Variants in GNAL observed in about 807,000 individuals in gnomAD.
GNAL encodes guanine nucleotide-binding protein G(olf) subunit alpha.
In GNAL, 18 loss-of-function variants were observed where a neutral mutation model predicts 55.1. That is an observed-to-expected ratio of 0.33 (90% confidence interval 0.23 to 0.48). GNAL has a LOEUF of 0.48. GNAL is among the 20% of genes least tolerant of loss of function. The probability of loss-of-function intolerance (pLI) is 0.99; values close to 1 mark genes in which losing one functional copy is unlikely to be tolerated. For synonymous variants in GNAL, 253 were observed against 237.0 expected, an observed-to-expected ratio of 1.07 and a Z score of -0.62; for missense variants, 412 against 614.1, an observed-to-expected ratio of 0.67 and a Z score of 3.48.
chr18:11,704,779 CA>C (rs2031663896), intron 1 of GNAL, among the ~76,000 whole-genome samples: 1 of 77,712 alleles, frequency 1.3e-5, no homozygotes, highest in African/African-American at 5.8e-5. Flanking sequence ...AGTCCATTAT[CA>C]ATTTTTTTTT....
intron 5 of GNAL, among the ~76,000 whole-genome samples, chr18:11,861,938 G>A (rs1044866803): frequency 1.1e-4 from 16 of 144,934 alleles, no homozygotes; most frequent in South Asian, 2.2e-4. Flanking sequence ...ACACTCAGTC[G>A]CTCTTACACA....
At chr18:11,757,511 A>C (rs1279252720) in intron 4 of GNAL, among the ~76,000 whole-genome samples, 2 of 152,216 alleles carry the variant, frequency 1.3e-5, no homozygotes, top group African/African-American at 4.8e-5. Flanking sequence ...GGAGGGGATC[A>C]TGGGGGTGGA....
intron 8 of GNAL, among the ~76,000 whole-genome samples, chr18:11,867,561 TC>T (rs1487369031): frequency 7.2e-5 from 11 of 152,100 alleles, no homozygotes; most frequent in African/African-American, 2.7e-4. Flanking sequence ...ATACCTGTAA[TC>T]CCAGCACTTT....
intron 4 of GNAL, among the ~76,000 whole-genome samples, chr18:11,786,450 T>TC (rs1216922239): frequency 4.2e-5 from 5 of 118,596 alleles, no homozygotes; most frequent in Non-Finnish European, 8.9e-5. Context: ...TTTTTTTTTT[T>TC]TTTTTTTTTT....
intron 5 of GNAL, among the ~76,000 whole-genome samples, chr18:11,844,542 A>T (rs1368817467): frequency 6.6e-6 from 1 of 152,218 alleles, no homozygotes; most frequent in Non-Finnish European, 1.5e-5. Flanking sequence ...ACTTAATCTA[A>T]TTGAGACATG....
At chr18:11,874,279 G>GAC (rs2036471779) in intron 10 of GNAL, 1 of 152,102 alleles carries the variant, frequency 6.6e-6, no homozygotes, top group Non-Finnish European at 1.5e-5. Context: ...GGAAGCCTGG[G>GAC]ACCACCATCA....
At chr18:11,769,561 A>G (rs1170214833) in intron 4 of GNAL, among the ~76,000 whole-genome samples, 2 of 152,212 alleles carry the variant, frequency 1.3e-5, no homozygotes, top group African/African-American at 4.8e-5. Flanking sequence ...GAAGAGCATC[A>G]TCTTTTAGCT....
intron 4 of GNAL, among the ~76,000 whole-genome samples, chr18:11,772,922 C>T (rs1013382258): frequency 3.9e-5 from 6 of 152,186 alleles, no homozygotes; most frequent in African/African-American, 7.2e-5. Context: ...CCCTGTCCTG[C>T]GAAGACAGCA....
At chr18:11,878,629 G>T (rs561779341) in intron 11 of GNAL, among the ~76,000 whole-genome samples, 2 of 152,060 alleles carry the variant, frequency 1.3e-5, no homozygotes, top group South Asian at 4.2e-4. Context: ...GAGTGCAGTG[G>T]CAAGATCGTA....
intron 4 of GNAL, among the ~76,000 whole-genome samples, chr18:11,766,089 C>A (rs1399435612): frequency 6.6e-6 from 1 of 152,198 alleles, no homozygotes; most frequent in East Asian, 1.9e-4. Context: ...GGAGGCTATT[C>A]TTATGCCAAA....
intron 4 of GNAL, among the ~76,000 whole-genome samples, chr18:11,817,738 G>GCACCCA (rs2034994720): frequency 6.6e-6 from 1 of 150,434 alleles, no homozygotes; most frequent in African/African-American, 2.5e-5. Context: ...GCAGGTGCGT[G>GCACCCA]CCACAACACC....
At chr18:11,822,030 G>C (rs1242918324) in intron 4 of GNAL, among the ~76,000 whole-genome samples, 1 of 152,248 alleles carries the variant, frequency 6.6e-6, no homozygotes, top group Non-Finnish European at 1.5e-5. Flanking sequence ...AGGAGCCTCA[G>C]TTTCTCCTCC....
At chr18:11,749,477 T>C (rs1226530778) in intron 1 of GNAL, among the ~76,000 whole-genome samples, 1 of 152,266 alleles carries the variant, frequency 6.6e-6, no homozygotes, top group African/African-American at 2.4e-5. Context: ...CACTTTGAGC[T>C]GGAGTTATCT....
At chr18:11,821,103 A>G (rs533511249) in intron 4 of GNAL, among the ~76,000 whole-genome samples, 4 of 152,330 alleles carry the variant, frequency 2.6e-5, no homozygotes, top group East Asian at 1.9e-4. Flanking sequence ...CATCTTTGCA[A>G]TGTATTTGTG....
At chr18:11,769,052 A>AT (rs2033537817) in intron 4 of GNAL, among the ~76,000 whole-genome samples, 2 of 104,232 alleles carry the variant, frequency 1.9e-5, no homozygotes, top group Non-Finnish European at 3.4e-5. Flanking sequence ...TATAATATAT[A>AT]TAATATATAT....
At chr18:11,813,104 A>G (rs1244050321) in intron 4 of GNAL, among the ~76,000 whole-genome samples, 1 of 151,636 alleles carries the variant, frequency 6.6e-6, no homozygotes, top group East Asian at 2.0e-4. Context: ...CGATACAACA[A>G]ATTAGTCGAG....
chr18:11,877,325 T>G lies in GNAL; in HGVS notation c.1230+637T>G, dbSNP rs528029858. Among the ~76,000 whole-genome samples, 8 of 152,100 alleles carry G rather than the reference T, an allele frequency of 5.3e-5. No individual in the cohort carries two copies. In the South Asian group the frequency reaches 6.2e-4, roughly 12 times the overall value. ...AAAAAATTAGCTGGGTGTGGTGGCATGCGCCTGTAATCCCAGCTACTCTGG... is the reference window on the plus strand; with the variant it reads ...AAAAAATTAGCTGGGTGTGGTGGCAGGCGCCTGTAATCCCAGCTACTCTGG... On this transcript the variant is annotated intron_variant, in intron 11 of 11. Transcript: ENST00000334049.
chr18:11,829,303 A>T (rs955662701), intron 5 of GNAL, among the ~76,000 whole-genome samples: 15 of 151,766 alleles, frequency 9.9e-5, no homozygotes, highest in African/African-American at 3.6e-4. Flanking sequence ...CGTTTCACCC[A>T]TTTTAATACA....
At chr18:11,697,512 C>T (rs1163745717) in intron 1 of GNAL, among the ~76,000 whole-genome samples, 5 of 151,036 alleles carry the variant, frequency 3.3e-5, no homozygotes, top group African/African-American at 9.8e-5. Flanking sequence ...GGGTTGAGAT[C>T]GTGCCATTGC....
Sources: gnomAD v4.1 joint callset for allele counts (sites outside exome capture counted in the v4.1 genomes callset) on GRCh38, gnomAD v4.1.1 for gene constraint, MANE v1.5 for transcripts, NCBI Gene and HGNC (gene_info 2026-07-23, HGNC 2026-07-21) for gene names.